DLGAP2: variants seen among roughly 807,000 people sequenced by gnomAD.
The protein encoded by DLGAP2 is disks large-associated protein 2.
In DLGAP2, 26 loss-of-function variants were observed where a neutral mutation model predicts 100.3. The ratio of observed to expected loss-of-function variants is 0.26; its 90% CI spans 0.19 to 0.36. DLGAP2 has a LOEUF of 0.36. DLGAP2 is among the 10% of genes least tolerant of loss of function. The probability of loss-of-function intolerance (pLI) is 1.00; values close to 1 mark genes in which losing one functional copy is unlikely to be tolerated. For synonymous variants in DLGAP2, 886 were observed against 630.1 expected, an observed-to-expected ratio of 1.41 and a Z score of -6.08; for missense variants, 1,858 against 1,453.2, an observed-to-expected ratio of 1.28 and a Z score of -4.53.
At chr8:1,103,345 C>CCTTGGTTAACGGTGATGACTGACGGGGA (rs1804648309) in intron 2 of DLGAP2, among the ~76,000 whole-genome samples, 5 of 151,352 alleles carry the variant, frequency 3.3e-5, no homozygotes, top group Admixed American at 6.6e-5. Flanking sequence ...ACTGGCAGGG[C>CCTTGGTTAACGGTGATGACTGACGGGGA]CTTGGTTAAC....
intron 4 of DLGAP2, among the ~76,000 whole-genome samples, chr8:1,501,926 A>C (rs954987836): frequency 1.6e-4 from 25 of 152,240 alleles, no homozygotes; most frequent in African/African-American, 6.0e-4. Flanking sequence ...TGCTGGTTCA[A>C]ATCACGTGGA....
At chr8:1,087,713 C>T (rs974417542) in intron 2 of DLGAP2, among the ~76,000 whole-genome samples, 9 of 152,214 alleles carry the variant, frequency 5.9e-5, no homozygotes, top group African/African-American at 1.9e-4. Flanking sequence ...TCAGAGCCTC[C>T]TTCCAAAATC....
intron 1 of DLGAP2, among the ~76,000 whole-genome samples, chr8:895,469 C>A (rs998480806): frequency 2.0e-5 from 3 of 152,190 alleles, no homozygotes; most frequent in Non-Finnish European, 4.4e-5. Context: ...CCCGTCCCCC[C>A]TTCTGAGACC....
chr8:1,102,028 A>G (rs1024644588), intron 2 of DLGAP2, among the ~76,000 whole-genome samples: 8 of 152,130 alleles, frequency 5.3e-5, no homozygotes, highest in Non-Finnish European at 8.8e-5. Context: ...AGCAGCCAGC[A>G]TATTGTATTA....
chr8:1,030,788 C>T (rs1441639693), intron 2 of DLGAP2, among the ~76,000 whole-genome samples: 3 of 152,144 alleles, frequency 2.0e-5, no homozygotes, highest in Non-Finnish European at 4.4e-5. Context: ...TGTGAACTGA[C>T]CTAAGTTAAA....
At chr8:1,661,397 C>G (rs1290886317) in intron 8 of DLGAP2, among the ~76,000 whole-genome samples, 3 of 152,150 alleles carry the variant, frequency 2.0e-5, no homozygotes, top group Non-Finnish European at 4.4e-5. Flanking sequence ...GAAGCTGGGT[C>G]TAAGTTCTGC....
chr8:998,060 CA>C (rs1249419499), intron 2 of DLGAP2, among the ~76,000 whole-genome samples: 3 of 151,662 alleles, frequency 2.0e-5, no homozygotes, highest in African/African-American at 7.3e-5. Flanking sequence ...TACACAGAAA[CA>C]TATACACATG....
At chr8:1,191,413 G>A (rs1055146496) in intron 2 of DLGAP2, among the ~76,000 whole-genome samples, 144 of 152,208 alleles carry the variant, frequency 9.5e-4, no homozygotes, top group African/African-American at 2.9e-3. Flanking sequence ...CTTGTGATCT[G>A]CCCGCCTCAG....
chr8:885,295 T>A (rs1797901268), intron 1 of DLGAP2, among the ~76,000 whole-genome samples: 1 of 152,202 alleles, frequency 6.6e-6, no homozygotes, highest in South Asian at 2.1e-4. Flanking sequence ...GTTCTCTCAT[T>A]TCCTTGAGCA....
intron 1 of DLGAP2, among the ~76,000 whole-genome samples, chr8:852,189 C>T (rs904680487): frequency 6.6e-6 from 1 of 152,038 alleles, no homozygotes; most frequent in Non-Finnish European, 1.5e-5. Flanking sequence ...AAGAATTGCT[C>T]TGAGGGATAG....
chr8:1,169,664 C>G (rs1797088323), intron 2 of DLGAP2, among the ~76,000 whole-genome samples: 1 of 151,996 alleles, frequency 6.6e-6, no homozygotes, highest in African/African-American at 2.4e-5. Context: ...GGAGTTCACT[C>G]ATGGTTTGGC....
intron 1 of DLGAP2, among the ~76,000 whole-genome samples, chr8:804,533 A>G (rs746690972): frequency 6.6e-6 from 1 of 152,152 alleles, no homozygotes; most frequent in Non-Finnish European, 1.5e-5. Context: ...CTGACATGCT[A>G]TGGTTTGCTC....
intron 1 of DLGAP2, among the ~76,000 whole-genome samples, chr8:750,842 G>T (rs1415290549): frequency 1.3e-5 from 2 of 152,184 alleles, no homozygotes; most frequent in East Asian, 1.9e-4. Context: ...TTTTTAAAAA[G>T]AATTCAAATT....
intron 1 of DLGAP2, among the ~76,000 whole-genome samples, chr8:869,603 G>T (rs1417991227): frequency 6.6e-6 from 1 of 152,164 alleles, no homozygotes; most frequent in Non-Finnish European, 1.5e-5. Context: ...CTTTTCCAAG[G>T]CTGGCAGCTG....
At chr8:1,543,846 A>C (rs1235203360) in intron 4 of DLGAP2, among the ~76,000 whole-genome samples, 1 of 151,992 alleles carries the variant, frequency 6.6e-6, no homozygotes, top group Non-Finnish European at 1.5e-5. Context: ...GTCTTGCTTA[A>C]TTTCTTTCAG....
chr8:1,049,893 T>A (rs537948042), intron 2 of DLGAP2, among the ~76,000 whole-genome samples: 1 of 152,312 alleles, frequency 6.6e-6, no homozygotes, highest in South Asian at 2.1e-4. Flanking sequence ...TACATATGTG[T>A]ACACACATGT....
intron 6 of DLGAP2, among the ~76,000 whole-genome samples, chr8:1,569,556 A>G (rs1440028433): frequency 6.6e-6 from 1 of 152,174 alleles, no homozygotes; most frequent in Non-Finnish European, 1.5e-5. Flanking sequence ...GCCTATTCGC[A>G]TCTTAGTTTA....
intron 1 of DLGAP2, among the ~76,000 whole-genome samples, chr8:898,491 G>A (rs779957901): frequency 6.6e-6 from 1 of 152,218 alleles, no homozygotes; most frequent in Non-Finnish European, 1.5e-5. Context: ...CCCATGCAGC[G>A]TCTGGTTCCC....
chr8:971,522 A>G (rs141426035), intron 2 of DLGAP2, among the ~76,000 whole-genome samples: 425 of 152,330 alleles, frequency 2.8e-3, no homozygotes, highest in African/African-American at 9.2e-3. Context: ...CACTGGGAGC[A>G]CTGAAACCAC....
Sources: gnomAD v4.1 joint callset for allele counts (sites outside exome capture counted in the v4.1 genomes callset) on GRCh38, gnomAD v4.1.1 for gene constraint, MANE v1.5 for transcripts, NCBI Gene and HGNC (gene_info 2026-07-23, HGNC 2026-07-21) for gene names.